TCF7L2: variants seen among roughly 807,000 people sequenced by gnomAD.
TCF7L2 encodes the protein transcription factor 7 like 2.
Under a neutral mutation model 77.9 loss-of-function variants are expected in TCF7L2, and 23 were observed. The observed-to-expected ratio is 0.30, with a 90% CI of 0.21 to 0.42. TCF7L2 has a LOEUF of 0.42. Ranked by LOEUF, TCF7L2 falls within the 10% of genes least tolerant of loss-of-function variation. TCF7L2 has a pLI of 1.00. For missense variants in TCF7L2, 654 were observed against 793.1 expected, an observed-to-expected ratio of 0.82 and a Z score of 2.11; for synonymous variants, 413 against 340.2, an observed-to-expected ratio of 1.21 and a Z score of -2.36.
chr10:113,047,823 G>A (rs949724271), intron 5 of TCF7L2, among the ~76,000 whole-genome samples: 7 of 152,170 alleles, frequency 4.6e-5, no homozygotes, highest in African/African-American at 1.7e-4. Context: ...TGTGGGGAGG[G>A]CTGGCAGCCT....
chr10:113,164,007 C>T (rs2073629162), intron 13 of TCF7L2, among the ~76,000 whole-genome samples: 1 of 152,218 alleles, frequency 6.6e-6, no homozygotes, highest in South Asian at 2.1e-4. Flanking sequence ...TTGGTTGCTT[C>T]CAGCGGCAGA....
At chr10:112,999,827 G>T (rs2044158978) in intron 4 of TCF7L2, among the ~76,000 whole-genome samples, 1 of 152,156 alleles carries the variant, frequency 6.6e-6, no homozygotes. Context: ...TCTATATCGT[G>T]TTAGAACTAG....
intron 4 of TCF7L2, among the ~76,000 whole-genome samples, 189 bp downstream of exon 4, chr10:112,964,813 G>GGT (rs1564719445): frequency 1.0e-5 from 1 of 98,434 alleles, no homozygotes; most frequent in African/African-American, 1.0e-4. Context: ...TGGTGGTGGT[G>GGT]GGGGGGGGTT....
intron 5 of TCF7L2, among the ~76,000 whole-genome samples, chr10:113,113,230 C>T (rs762271636): frequency 2.0e-4 from 31 of 152,156 alleles, no homozygotes; most frequent in Non-Finnish European, 4.0e-4. Flanking sequence ...CACTTCAGTA[C>T]AGGAGCAGCC....
chr10:113,087,910 T>C (rs2059993542), intron 5 of TCF7L2, among the ~76,000 whole-genome samples: 1 of 152,240 alleles, frequency 6.6e-6, no homozygotes, highest in South Asian at 2.1e-4. Flanking sequence ...TCTAAAGATG[T>C]GGCTGCTGTT....
chr10:112,978,252 C>T (rs952971716), intron 4 of TCF7L2, among the ~76,000 whole-genome samples: 3 of 152,150 alleles, frequency 2.0e-5, no homozygotes, highest in Non-Finnish European at 4.4e-5. Context: ...ATCTCCCTCT[C>T]TATTTTTTAA....
rs1409862521 is a variant in TCF7L2, at chr10:113,123,455, CAT to C, written c.553-17728_553-17727del. Among the ~76,000 whole-genome samples, 4 of 152,192 alleles carry C rather than the reference CAT, an allele frequency of 2.6e-5. No homozygotes were observed. In the East Asian group the frequency reaches 5.8e-4, roughly 22 times the overall value. The stretch of plus-strand genomic sequence containing the variant: ...ATACACATAAGTATGTGTGTTTACA[CAT>C]GTCTGAGTTTTGGTCTAGATAAACA... On this transcript the variant is annotated intron_variant, in intron 5 of 13. Transcript: ENST00000627217.
chr10:112,967,847 C>G (rs2037347601), intron 4 of TCF7L2, among the ~76,000 whole-genome samples: 1 of 152,052 alleles, frequency 6.6e-6, no homozygotes, highest in Non-Finnish European at 1.5e-5. Context: ...GTTGGTCAGG[C>G]TGGTCTCGAA....
chr10:113,035,407 C>T (rs962636405), intron 4 of TCF7L2, among the ~76,000 whole-genome samples: 4 of 152,156 alleles, frequency 2.6e-5, no homozygotes, highest in South Asian at 2.1e-4. Flanking sequence ...TGGCTTGCCA[C>T]GTGCTTTTTT....
intron 3 of TCF7L2, among the ~76,000 whole-genome samples, chr10:112,954,858 A>G (rs1241571673): frequency 6.6e-6 from 1 of 152,218 alleles, no homozygotes; most frequent in African/African-American, 2.4e-5. Context: ...CTTTGCTACT[A>G]GGTTGAACAG....
At chr10:113,160,733 C>T (rs2137471980) in intron 13 of TCF7L2, 2 of 1,541,850 alleles carry the variant, frequency 1.3e-6, no homozygotes, top group Non-Finnish European at 8.8e-7. Context: ...TCAAAGCATT[C>T]TGTCCTTCCG....
chr10:113,041,435 C>T (rs2052425366), intron 5 of TCF7L2, among the ~76,000 whole-genome samples: 1 of 152,228 alleles, frequency 6.6e-6, no homozygotes, highest in African/African-American at 2.4e-5. Context: ...AAACTGAGGC[C>T]CAGAGATGCC....
chr10:113,078,131 T>TA (rs11438946), intron 5 of TCF7L2, among the ~76,000 whole-genome samples: 84,006 of 149,562 alleles, frequency 0.56, 23,921 homozygotes, highest in East Asian at 0.82. Flanking sequence ...GCTTCAGAAT[T>TA]AAAAAAAAAA....
intron 5 of TCF7L2, among the ~76,000 whole-genome samples, chr10:113,137,965 A>G (rs2067674648): frequency 1.3e-5 from 2 of 152,260 alleles, no homozygotes; most frequent in African/African-American, 4.8e-5. Context: ...CCGGAGAGAC[A>G]TAGGCATTTG....
chr10:112,951,629 CCCCGCCCGCTG>C (rs922830851), intron 3 of TCF7L2, 22 bp downstream of exon 3: 6 of 1,145,066 alleles, frequency 5.2e-6, no homozygotes, highest in African/African-American at 3.4e-5. Flanking sequence ...CGCGCCCGGC[CCCCGCCCGCTG>C]CCCGCCCGCC....
At chr10:113,116,687 A>C (rs1591897845) in intron 5 of TCF7L2, among the ~76,000 whole-genome samples, 1 of 98,372 alleles carries the variant, frequency 1.0e-5, no homozygotes, top group Non-Finnish European at 1.9e-5. Flanking sequence ...ATTTGGGCCT[A>C]TTTTTTAAAA....
chr10:112,957,144 C>CT (rs775354948), intron 3 of TCF7L2, among the ~76,000 whole-genome samples: 17 of 150,264 alleles, frequency 1.1e-4, no homozygotes, highest in Non-Finnish European at 2.5e-4. Flanking sequence ...TCTTTTCTCC[C>CT]TTTTTCCTTT....
At chr10:113,015,019 C>G (rs947031394) in intron 4 of TCF7L2, among the ~76,000 whole-genome samples, 1 of 152,148 alleles carries the variant, frequency 6.6e-6, no homozygotes, top group African/African-American at 2.4e-5. Flanking sequence ...AACCCCATCT[C>G]TACTAAAAAT....
chr10:113,166,114 G>A lies in TCF7L2; in HGVS notation c.*142G>A. On this transcript the variant is annotated 3_prime_UTR_variant, in exon 14 of 14. Transcript: ENST00000627217. ...GGCTACATTAGTTGATGTTTATCGA[G>A]TTCATTGGTCAATATTTGACCCATT... The A allele has an allele frequency of 1.5e-6, 1 of 678,262 alleles. No individual in the cohort carries two copies. The highest frequency in any genetic ancestry group is 2.1e-6 in the Non-Finnish European group (1 of 469,340). The allele number at this position is 678,262 out of a possible 1,614,324, so 42.0% of individuals were successfully genotyped here.
Sources: gnomAD v4.1 joint callset for allele counts (sites outside exome capture counted in the v4.1 genomes callset) on GRCh38, gnomAD v4.1.1 for gene constraint, MANE v1.5 for transcripts, NCBI Gene and HGNC (gene_info 2026-07-23, HGNC 2026-07-21) for gene names.